SOX30: variants seen among roughly 807,000 people sequenced by gnomAD.
SOX30 encodes the protein SRY-box transcription factor 30, also known as transcription factor SOX-30.
In SOX30, 17 loss-of-function variants were observed where a neutral mutation model predicts 58.6. That is an observed-to-expected ratio of 0.29 (90% CI 0.20 to 0.44). SOX30 has a LOEUF of 0.44. Ranked by LOEUF, SOX30 falls within the 20% of genes least tolerant of loss-of-function variation. SOX30 has a pLI of 1.00. For synonymous variants in SOX30, 421 were observed against 400.2 expected (o/e 1.05, Z -0.62); for missense variants, 951 against 965.8 (o/e 0.98, Z 0.20).
chr5:157,643,151 T>C (rs570203157), intron 3 of SOX30, among the ~76,000 whole-genome samples: 7 of 152,174 alleles, frequency 4.6e-5, no homozygotes, highest in African/African-American at 9.6e-5. Context: ...TGTCCAGGCA[T>C]GATGGCTCAC....
chr5:157,632,813 G>C (rs564983812), intron 4 of SOX30, among the ~76,000 whole-genome samples: 2 of 152,130 alleles, frequency 1.3e-5, no homozygotes, highest in South Asian at 4.1e-4. Flanking sequence ...TTCCAGCCAG[G>C]TGTGGTGGCT....
intron 2 of SOX30, among the ~76,000 whole-genome samples, chr5:157,659,672 C>T (rs1344976471): frequency 6.6e-6 from 1 of 152,186 alleles, no homozygotes; most frequent in Non-Finnish European, 1.5e-5. Context: ...TCAAGAAGTC[C>T]TGACAACATG....
At chr5:157,660,876 A>C (rs2113857511) in intron 2 of SOX30, among the ~76,000 whole-genome samples, 1 of 152,310 alleles carries the variant, frequency 6.6e-6, no homozygotes, top group East Asian at 1.9e-4. Flanking sequence ...ATTATATTGA[A>C]TCTATGGATC....
rs1223284467 is a variant in SOX30 at position 157,626,178 on chromosome 5, T to TA, written c.*161dup. On this transcript the variant is annotated 3_prime_UTR_variant, in exon 5 of 5. Transcript: ENST00000265007. ...TGAAACATCCAGACTCTAGTTTCAC[T>TA]AATCAAAATTTTATGAAGACATAAA... 1 of 583,588 alleles carries TA rather than the reference T, an allele frequency of 1.7e-6. No individual in the cohort carries two copies. The highest frequency in any genetic ancestry group is 2.9e-6 in the Non-Finnish European group (1 of 350,252). 36.2% of individuals were successfully genotyped at this position (583,588 alleles called of 1,614,324 possible).
At chr5:157,665,684 TATA>T (rs1315165809) in intron 2 of SOX30, among the ~76,000 whole-genome samples, 4 of 147,562 alleles carry the variant, frequency 2.7e-5, no homozygotes, top group African/African-American at 9.8e-5. Flanking sequence ...TATAAATAAT[TATA>T]ATTTATAATT....
At chr5:157,652,559 C>T (rs376562784), upstream of SOX30, 34 of 178,790 alleles carry the variant, frequency 1.9e-4, 2 homozygotes, top group East Asian at 4.7e-3. Flanking sequence ...ATCTGTCGGC[C>T]CTGAGTACCA....
At chr5:157,627,098 T>C (rs1386815812) in intron 4 of SOX30, among the ~76,000 whole-genome samples, 4 of 152,332 alleles carry the variant, frequency 2.6e-5, no homozygotes, top group East Asian at 1.9e-4. Flanking sequence ...GCGCGGTGGC[T>C]CACGCCTGTA....
At chr5:157,648,207 T>C (rs191902575) in intron 2 of SOX30, among the ~76,000 whole-genome samples, 4 of 152,296 alleles carry the variant, frequency 2.6e-5, no homozygotes, top group African/African-American at 9.6e-5. Context: ...AATCTATCAA[T>C]CAGAAGGCAG....
rs751119910 is a variant in SOX30, at chr5:157,658,170, T to C, written c.53-9274A>G. On this transcript the variant is annotated intron_variant, in intron 2 of 5. Transcript: ENST00000519442. ...CTTATCTGAGATTCTTTCTATGGAA[T>C]AAAGTTGCATCAAAACCAATTTAAA... Among the ~76,000 whole-genome samples, 4 of 152,332 alleles carry C rather than the reference T, an allele frequency of 2.6e-5. No individual in the cohort carries two copies. In the South Asian group the frequency reaches 8.3e-4, roughly 32 times the overall value.
In SOX30 at chr5:157,646,781, G is replaced by C; in HGVS notation, c.1243C>G (p.Arg415Gly). ...VYQPRPGKRK[R>G]FPLSVSNVFS... ...ACATTGGAAACACTTAGAGGGAATC[G>C]TTTTCGCTTCCCTGGACGAGGCTGA... Residue 415 changes from arginine (R) to glycine (G), a missense_variant, in exon 3 of 5, where the codon CGA becomes GGA. Physicochemically the swap from Arg to Gly is moderately radical, Grantham distance 125. This residue lies in a region of SOX30 where 57 missense variants were observed against 104.0 expected (regional missense o/e 0.55). Transcript: ENST00000265007. 6.2e-7 allele frequency: 1 copy of C among 1,613,918 alleles called. No individual in the cohort carries two copies.
At chr5:157,635,209 G>A (rs1490713314) in intron 4 of SOX30, among the ~76,000 whole-genome samples, 1 of 152,156 alleles carries the variant, frequency 6.6e-6, no homozygotes, top group African/African-American at 2.4e-5. Flanking sequence ...ATACTGCTCT[G>A]ACATTCTTAA....
At chr5:157,664,371 T>G (rs1476729834) in intron 2 of SOX30, among the ~76,000 whole-genome samples, 1 of 152,156 alleles carries the variant, frequency 6.6e-6, no homozygotes, top group Non-Finnish European at 1.5e-5. Context: ...TAAATGGTGC[T>G]GGGAAAACTG....
chr5:157,642,872 G>A (rs1172378132), intron 3 of SOX30, among the ~76,000 whole-genome samples: 1 of 151,946 alleles, frequency 6.6e-6, no homozygotes, highest in Non-Finnish European at 1.5e-5. Context: ...TAGTCATTAC[G>A]GTATAAACAG....
In SOX30 at chr5:157,651,623, A is replaced by G. The variant is rs1424930598; in HGVS notation, c.456T>C (p.Pro152=). The part of the protein sequence containing the change: ...LGPSLDQSVG[P]RGAVETGPRA... Reference sequence around the variant, plus strand: ...TAGGACCGGTTTCGACGGCCCCTCGAGGCCCCACTGACTGATCCAGGCTGG... The same window carrying G: ...TAGGACCGGTTTCGACGGCCCCTCGGGGCCCCACTGACTGATCCAGGCTGG... Residue 152 remains proline, a synonymous_variant, in exon 1 of 5, where the codon CCT becomes CCC. Transcript: ENST00000265007. The G allele has an allele frequency of 6.2e-7, 1 of 1,612,712 alleles. No homozygotes were observed.
At chr5:157,659,595 T>A (rs1759540519) in intron 2 of SOX30, among the ~76,000 whole-genome samples, 1 of 152,242 alleles carries the variant, frequency 6.6e-6, no homozygotes, top group Non-Finnish European at 1.5e-5. Context: ...CAAAAGTATC[T>A]GAGGCAAGCC....
chr5:157,628,643 C>CTTT (rs35972610), intron 4 of SOX30, among the ~76,000 whole-genome samples: 29 of 137,678 alleles, frequency 2.1e-4, no homozygotes, highest in African/African-American at 6.7e-4. Context: ...CACTGTGCTT[C>CTTT]TTTTTTTTTT....
At chr5:157,646,573 A>C in intron 3 of SOX30, 64 bp downstream of exon 3, 2 of 1,230,662 alleles carry the variant, frequency 1.6e-6, no homozygotes, top group South Asian at 1.4e-5. Context: ...GAACACTTCA[A>C]ACTTGAGGTA....
intron 2 of SOX30, among the ~76,000 whole-genome samples, chr5:157,666,791 C>T (rs1759681306): frequency 6.6e-6 from 1 of 152,110 alleles, no homozygotes; most frequent in East Asian, 1.9e-4. Flanking sequence ...CTGCAACCTC[C>T]ACCTCCTGGG....
intron 4 of SOX30, 24 bp downstream of exon 4, chr5:157,638,206 A>C (rs1758975128): frequency 6.6e-7 from 1 of 1,507,708 alleles, no homozygotes; most frequent in Non-Finnish European, 8.9e-7. Context: ...TGTTTAGGTA[A>C]AAGGAAAAAA....
Sources: allele counts gnomAD v4.1 joint callset (sites outside exome capture counted in the v4.1 genomes callset), GRCh38; gene constraint gnomAD v4.1.1; regional missense constraint gnomAD v4.1.1; transcripts MANE v1.5; gene names NCBI Gene and HGNC (gene_info 2026-07-23, HGNC 2026-07-21).